PTGDS: variants seen among roughly 807,000 people sequenced by gnomAD.
PTGDS encodes prostaglandin D2 synthase.
In PTGDS, 21 loss-of-function variants were observed where a neutral mutation model predicts 28.4. That is an observed-to-expected ratio of 0.74 (90% CI 0.52 to 1.07). The LOEUF (loss-of-function observed/expected upper bound fraction) is 1.07, where lower values mean the gene tolerates loss of function less well. PTGDS is among the 50% of genes least tolerant of loss of function. PTGDS has a pLI of 0.00. For missense variants in PTGDS, 243 were observed against 247.7 expected (o/e 0.98, Z 0.13); for synonymous variants, 102 against 106.0 (o/e 0.96, Z 0.23).
intron 5 of PTGDS, 105 bp from the exon 6 acceptor site, chr9:136,980,727 GC>G (rs777228066): frequency 6.2e-7 from 1 of 1,612,656 alleles, no homozygotes; most frequent in South Asian, 1.1e-5. Flanking sequence ...CAGTTTGGGG[GC>G]TCAGTCAAGA....
chr9:136,980,355 G>C, intron 5 of PTGDS, 71 bp downstream of exon 5: 1 of 1,522,790 alleles, frequency 6.6e-7, no homozygotes, highest in South Asian at 1.2e-5. Flanking sequence ...CTCCTGACTG[G>C]GGGAGGCAGA....
rs187328838 is a variant in PTGDS at position 136,977,803 on chromosome 9, G to C, written c.114+111G>C. 4.4e-4 allele frequency: 451 copies of C among 1,033,008 alleles called. 1 individual carries two copies. In the African/African-American group the frequency reaches 6.6e-3, roughly 15 times the overall value. 64.0% of individuals were successfully genotyped at this position (1,033,008 alleles called of 1,614,324 possible). A position where few individuals can be genotyped will look rare whatever the true frequency, so the allele number is the denominator to read the frequency against. On this transcript the variant is annotated intron_variant, in intron 1 of 6. Transcript: ENST00000371625. ...GGAGTGAGCGAAGTCCCGCAGTGCC[G>C]GGCAGTGCCGGCCAGGGACTGAGCG...
chr9:136,979,990 G>C lies in PTGDS; in HGVS notation c.376G>C (p.Asp126His), dbSNP rs780265548. The C allele has an allele frequency of 6.8e-6, 11 of 1,613,174 alleles. No homozygotes were observed. In the Admixed American group the frequency reaches 1.8e-4, roughly 27 times the overall value. The change falls in exon 4 of 7, where the codon GAC becomes CAC. Residue 126 changes from aspartate (D) to histidine (H), a missense_variant. Physicochemically the swap from Asp to His is moderately conservative, Grantham distance 81 (BLOSUM62 -1). Transcript: ENST00000371625. Reference protein sequence around the residue: ...YSVSVVETDYDQYALLYSQGS... With the variant: ...YSVSVVETDYHQYALLYSQGS... ...CGTGTCAGTGGTGGAGACCGACTAC[G>C]ACCAGTACGCGCTGCTGTACAGCCA...
chr9:136,981,218 G>A (rs1830444949), intron 6 of PTGDS, among the ~76,000 whole-genome samples: 1 of 152,152 alleles, frequency 6.6e-6, no homozygotes, highest in South Asian at 2.1e-4. Context: ...GAGGAAACCA[G>A]GGTGGGGGAG....
intron 1 of PTGDS, among the ~76,000 whole-genome samples, chr9:136,978,042 G>A (rs1830391927): frequency 6.6e-6 from 1 of 152,212 alleles, no homozygotes. Flanking sequence ...ACGGGCGGGT[G>A]GGGCACAGGG....
At chr9:136,979,669 A>G (rs1588487259) in intron 3 of PTGDS, 2 of 607,472 alleles carry the variant, frequency 3.3e-6, no homozygotes, top group Non-Finnish European at 5.8e-6. Context: ...TCCCACGGGG[A>G]AACCTCTTCA....
In PTGDS at chr9:136,977,554, C is replaced by T. The variant is rs1307921216; in HGVS notation, c.-25C>T. On this transcript the variant is annotated 5_prime_UTR_variant, in exon 1 of 7. Transcript: ENST00000371625. The stretch of plus-strand genomic sequence containing the variant: ...CTCCCACACCACTGGCACCAGGCCC[C>T]GGACACCCGCTCTGCTGCAGGAGAA... 11 of 1,546,302 alleles carry T rather than the reference C, an allele frequency of 7.1e-6. No homozygotes were observed. The highest frequency in any genetic ancestry group is 4.6e-5 in the South Asian group (4 of 86,270).
In PTGDS at chr9:136,979,272, CT is replaced by C; in HGVS notation, c.305del (p.Leu102ProfsTer58). The C allele has an allele frequency of 6.2e-7, 1 of 1,611,954 alleles. No homozygotes were observed. Among genetic ancestry groups the C allele is most frequent in the Non-Finnish European group, 8.5e-7 (1 of 1,179,472 alleles). On this transcript the variant is annotated frameshift_variant, in exon 3 of 7. Coordinates refer to ENST00000371625, the MANE Select transcript of PTGDS (RefSeq NM_000954.6). LOFTEE classifies it high-confidence loss of function. The stretch of plus-strand genomic sequence containing the variant: ...CATGCTGCTGCAGCCCGCGGGGTCC[CT>C]CGGCTCCTACAGCTACCGGAGTCCC... ...RTMLLQPAGS[L>X]GSYSYRSPHW... is the part of the protein sequence containing the mutation.
intron 1 of PTGDS, among the ~76,000 whole-genome samples, chr9:136,978,229 G>A (rs1830395566): frequency 6.6e-6 from 1 of 152,156 alleles, no homozygotes; most frequent in African/African-American, 2.4e-5. Flanking sequence ...GAGCTGAGCC[G>A]AAGACCCGCC....
Position 136,980,166 on chromosome 9 carries a change from T to C in PTGDS, c.449-17T>C, listed in dbSNP as rs1285077416. The stretch of plus-strand genomic sequence containing the variant: ...ATCCCCCCCGCTGAGGCCAGCTCCG[T>C]CTCCACCCTGTCCCAGGCCGAACCC... On this transcript the variant is annotated splice_polypyrimidine_tract_variant and intron_variant, in intron 4 of 6. Coordinates refer to ENST00000371625, the MANE Select transcript of PTGDS (RefSeq NM_000954.6). The C allele has an allele frequency of 6.2e-7, 1 of 1,613,134 alleles. No homozygotes were observed. The highest frequency in any genetic ancestry group is 2.2e-5 in the East Asian group (1 of 44,878).
chr9:136,978,109 C>T (rs1376128146), intron 1 of PTGDS, among the ~76,000 whole-genome samples: 2 of 152,178 alleles, frequency 1.3e-5, no homozygotes, highest in African/African-American at 2.4e-5. Flanking sequence ...ACCGCACAGA[C>T]AGCCGGCGAC....
Position 136,977,553 on chromosome 9 carries a change from C to G in PTGDS, c.-26C>G, listed in dbSNP as rs757296757. ...TCTCCCACACCACTGGCACCAGGCC[C>G]CGGACACCCGCTCTGCTGCAGGAGA... On this transcript the variant is annotated 5_prime_UTR_variant, in exon 1 of 7. Transcript: ENST00000371625. 6.5e-7 allele frequency: 1 copy of G among 1,546,666 alleles called. No individual in the cohort carries two copies. The highest frequency in any genetic ancestry group is 1.2e-5 in the South Asian group (1 of 86,354).
In PTGDS at chr9:136,979,975, G is replaced by C. The variant is rs1231577878; in HGVS notation, c.361G>C (p.Val121Leu). The stretch of plus-strand genomic sequence containing the variant: ...GGGCAGCACCTACTCCGTGTCAGTG[G>C]TGGAGACCGACTACGACCAGTACGC... ...HWGSTYSVSV[V>L]ETDYDQYALL... Residue 121 changes from valine (V) to leucine (L), a missense_variant, in exon 4 of 7, where the codon GTG becomes CTG. Transcript: ENST00000371625. 6.2e-7 allele frequency: 1 copy of C among 1,613,154 alleles called. No homozygotes were observed. Among genetic ancestry groups the C allele is most frequent in the African/African-American group, 1.3e-5 (1 of 74,914 alleles).
In PTGDS at chr9:136,979,054, A is replaced by C; in HGVS notation, c.176A>C (p.Lys59Thr). ...ASNSSWLREKKAALSMCKSVV... is the reference protein window; with the variant it reads ...ASNSSWLREKTAALSMCKSVV... ...AACTCGAGCTGGCTCCGGGAGAAGA[A>C]GGCGGCGTTGTCCATGTGCAAGTCT... is the stretch of plus-strand genomic sequence containing the variant. Residue 59 changes from lysine to threonine, a missense_variant, in exon 2 of 7, where the codon AAG becomes ACG. Coordinates refer to ENST00000371625, the MANE Select transcript of PTGDS (RefSeq NM_000954.6). 6.2e-7 allele frequency: 1 copy of C among 1,608,672 alleles called. No homozygotes were observed. Among genetic ancestry groups the C allele is most frequent in the Non-Finnish European group, 8.5e-7 (1 of 1,177,334 alleles).
At position 136,978,910 on chromosome 9, in the gene PTGDS, T is replaced by A. The variant is rs748990425; in HGVS notation, c.115-83T>A. The A allele has an allele frequency of 4.5e-6, 7 of 1,550,478 alleles. No homozygotes were observed. In the South Asian group the frequency reaches 8.1e-5, roughly 18 times the overall value. Reference sequence around the variant, plus strand: ...GGGGCCGGGTTGGAGACCGGAGGAGTAGACGGCAGAGGCGCCCCCGCAGGT... The same window carrying A: ...GGGGCCGGGTTGGAGACCGGAGGAGAAGACGGCAGAGGCGCCCCCGCAGGT... On this transcript the variant is annotated intron_variant, in intron 1 of 6. Coordinates refer to ENST00000371625, the MANE Select transcript of PTGDS (RefSeq NM_000954.6).
At chr9:136,979,786 C>G in intron 3 of PTGDS, 160 bp from the exon 4 acceptor site, 1 of 751,856 alleles carries the variant, frequency 1.3e-6, no homozygotes, top group South Asian at 1.6e-5. Flanking sequence ...GCTGTGCAGG[C>G]GAGAGCAGGG....
chr9:136,981,286 C>G (rs1254556425), intron 6 of PTGDS, among the ~76,000 whole-genome samples: 1 of 152,072 alleles, frequency 6.6e-6, no homozygotes, highest in African/African-American at 2.4e-5. Flanking sequence ...ACATGGATGC[C>G]GTGGGACAGC....
chr9:136,978,283 T>C (rs1395307113), intron 1 of PTGDS, among the ~76,000 whole-genome samples: 1 of 152,014 alleles, frequency 6.6e-6, no homozygotes, highest in African/African-American at 2.4e-5. Context: ...GCCCGCTGTA[T>C]GGGCCAGGCG....
intron 3 of PTGDS, 28 bp downstream of exon 3, chr9:136,979,327 G>A (rs1169297087): frequency 6.3e-7 from 1 of 1,599,200 alleles, no homozygotes; most frequent in Admixed American, 1.7e-5. Flanking sequence ...CGGCCCCCTG[G>A]GCCCAGCCTG....
Sources: allele counts gnomAD v4.1 joint callset (sites outside exome capture counted in the v4.1 genomes callset), GRCh38; gene constraint gnomAD v4.1.1; transcripts MANE v1.5; gene names NCBI Gene and HGNC (gene_info 2026-07-23, HGNC 2026-07-21).